The following FMN2 variants were observed in gnomAD, a reference collection of about 807,000 sequenced individuals.
FMN2 encodes formin 2, also known as formin-2.
FMN2 carries 51 observed loss-of-function variants against 142.3 expected under a neutral mutation model. The ratio of observed to expected loss-of-function variants is 0.36; its 90% CI spans 0.29 to 0.45. FMN2 has a LOEUF of 0.45. Ranked by LOEUF, FMN2 falls within the 20% of genes least tolerant of loss-of-function variation. FMN2 has a pLI of 1.00. For synonymous variants in FMN2, 882 were observed against 869.8 expected, an observed-to-expected ratio of 1.01 and a Z score of -0.25; for missense variants, 1,936 against 2,122.8, an observed-to-expected ratio of 0.91 and a Z score of 1.73.
At chr1:240,466,257 A>G (rs555018878) in intron 16 of FMN2, among the ~76,000 whole-genome samples, 15 of 152,298 alleles carry the variant, frequency 9.8e-5, no homozygotes, top group African/African-American at 2.6e-4. Flanking sequence ...CCTAGACTCA[A>G]GTTTTTCTTT....
chr1:240,144,274 G>T (rs1571978731), intron 2 of FMN2: 2 of 1,603,604 alleles, frequency 1.2e-6, no homozygotes, highest in Non-Finnish European at 1.7e-6. Context: ...GGTTCATGCG[G>T]GCAGAGTCCA....
chr1:240,115,764 C>A (rs1571941475), intron 1 of FMN2, among the ~76,000 whole-genome samples: 2 of 152,104 alleles, frequency 1.3e-5, no homozygotes, highest in African/African-American at 4.8e-5. Flanking sequence ...GAGGGAACCA[C>A]AGAGCAAAGG....
chr1:240,115,030 T>C (rs1661969037), intron 1 of FMN2, among the ~76,000 whole-genome samples: 1 of 152,232 alleles, frequency 6.6e-6, no homozygotes, highest in Admixed American at 6.5e-5. Flanking sequence ...GGTATGGTTG[T>C]TACCCTGAAA....
intron 3 of FMN2, among the ~76,000 whole-genome samples, chr1:240,179,803 G>C (rs2103327279): frequency 6.6e-6 from 1 of 152,258 alleles, no homozygotes. Flanking sequence ...GTTGCATGGA[G>C]AGCCCTTTTA....
chr1:240,433,930 T>G (rs768690083), intron 15 of FMN2, among the ~76,000 whole-genome samples: 1 of 152,326 alleles, frequency 6.6e-6, no homozygotes, highest in East Asian at 1.9e-4. Flanking sequence ...TCCATTTTTG[T>G]GTGGGATTCA....
chr1:240,123,462 T>G, intron 2 of FMN2, 117 bp downstream of exon 2: 1 of 1,065,082 alleles, frequency 9.4e-7, no homozygotes, highest in Non-Finnish European at 1.3e-6. Context: ...TCAAGCATTT[T>G]TTTTCCTTAG....
At chr1:240,451,083 C>T (rs1313009652) in intron 16 of FMN2, among the ~76,000 whole-genome samples, 1 of 152,080 alleles carries the variant, frequency 6.6e-6, no homozygotes, top group Non-Finnish European at 1.5e-5. Flanking sequence ...AAGCATTTGT[C>T]TTGGCTGGGC....
intron 2 of FMN2, chr1:240,170,212 G>A (rs746243284): frequency 4.7e-6 from 6 of 1,267,262 alleles, no homozygotes; most frequent in Non-Finnish European, 5.7e-6. Context: ...AGTTGCCTGG[G>A]AGGCTGGAAA....
At chr1:240,292,295 ATAAG>A (rs1669822321) in intron 7 of FMN2, among the ~76,000 whole-genome samples, 2 of 152,344 alleles carry the variant, frequency 1.3e-5, no homozygotes, top group Admixed American at 6.5e-5. Context: ...AAATACATAA[ATAAG>A]TAAGTAGGTA....
intron 15 of FMN2, among the ~76,000 whole-genome samples, chr1:240,415,370 C>T (rs1181361518): frequency 2.0e-5 from 3 of 152,108 alleles, no homozygotes; most frequent in Admixed American, 6.6e-5. Flanking sequence ...GAACATCACA[C>T]ACCAGGACCT....
At chr1:240,233,478 C>T (rs1667597375) in intron 6 of FMN2, among the ~76,000 whole-genome samples, 1 of 151,882 alleles carries the variant, frequency 6.6e-6, no homozygotes, top group Non-Finnish European at 1.5e-5. Context: ...CTTGCTAAGA[C>T]TATTCTACTG....
intron 3 of FMN2, among the ~76,000 whole-genome samples, chr1:240,180,772 A>C (rs951524728): frequency 1.5e-4 from 22 of 151,680 alleles, no homozygotes; most frequent in Non-Finnish European, 2.5e-4. Context: ...TCACCATGTT[A>C]GCTAAGCTGC....
intron 7 of FMN2, among the ~76,000 whole-genome samples, chr1:240,259,303 G>A (rs1668546805): frequency 1.3e-5 from 2 of 152,074 alleles, no homozygotes; most frequent in Non-Finnish European, 2.9e-5. Flanking sequence ...ACAAGAGTCC[G>A]CCTGACATCT....
At chr1:240,400,235 C>A (rs1044164260) in intron 15 of FMN2, among the ~76,000 whole-genome samples, 11 of 152,094 alleles carry the variant, frequency 7.2e-5, no homozygotes, top group Non-Finnish European at 8.8e-5. Context: ...TAATGAGCAT[C>A]AGATCAGGAG....
intron 16 of FMN2, among the ~76,000 whole-genome samples, chr1:240,442,157 C>T (rs1675643132): frequency 1.3e-5 from 2 of 152,120 alleles, no homozygotes; most frequent in Admixed American, 6.5e-5. Context: ...CCTCTTCTTT[C>T]TCTCACCCTT....
Position 240,329,112 on chromosome 1 carries a change from C to T in FMN2, c.4252C>T (p.His1418Tyr). 6.2e-7 allele frequency: 1 copy of T among 1,614,068 alleles called. No homozygotes were observed. ...QSDELEKIEKHGRSSKDKENA... is the reference protein window; with the variant it reads ...QSDELEKIEKYGRSSKDKENA... Reference sequence around the variant, plus strand: ...AGACGAACTCGAAAAAATAGAAAAGCATGGCCGATCTTCCAAAGACAAGGA... The same window carrying T: ...AGACGAACTCGAAAAAATAGAAAAGTATGGCCGATCTTCCAAAGACAAGGA... Residue 1418 changes from histidine to tyrosine, a missense_variant, in exon 9 of 18, where the codon CAT becomes TAT. Transcript: ENST00000319653.
At chr1:240,129,661 G>A (rs1350695597) in intron 2 of FMN2, among the ~76,000 whole-genome samples, 2 of 151,528 alleles carry the variant, frequency 1.3e-5, no homozygotes, top group Non-Finnish European at 2.9e-5. Flanking sequence ...TACCACCATG[G>A]CCAGCTAATT....
chr1:240,279,283 G>C (rs111489458), intron 7 of FMN2, among the ~76,000 whole-genome samples: 1 of 152,102 alleles, frequency 6.6e-6, no homozygotes, highest in African/African-American at 2.4e-5. Flanking sequence ...TTCTGATACC[G>C]TGAGAAGAGG....
intron 15 of FMN2, among the ~76,000 whole-genome samples, chr1:240,429,670 G>C (rs1675072101): frequency 6.6e-6 from 1 of 152,114 alleles, no homozygotes; most frequent in Admixed American, 6.5e-5. Context: ...GAATCATATG[G>C]CGTGTATAAT....
Sources: gnomAD v4.1 joint callset for allele counts (sites outside exome capture counted in the v4.1 genomes callset) on GRCh38, gnomAD v4.1.1 for gene constraint, MANE v1.5 for transcripts, NCBI Gene and HGNC (gene_info 2026-07-23, HGNC 2026-07-21) for gene names.